Variants in APC observed in about 807,000 individuals in gnomAD.
APC encodes the protein APC regulator of Wnt signaling pathway, also known as adenomatous polyposis coli protein.
A neutral mutation model predicts 247.0 loss-of-function variants in APC; 72 were observed. The ratio of observed to expected loss-of-function variants is 0.29; its 90% CI spans 0.24 to 0.35. The LOEUF is 0.35. Among genes scored for constraint, APC ranks in the 10% least tolerant of loss-of-function variants. The pLI, the probability that APC is intolerant of heterozygous loss-of-function variation, is 1.00. For missense variants in APC, 3,400 were observed against 3,360.7 expected (o/e 1.01, Z -0.29); for synonymous variants, 1,254 against 1,162.5 (o/e 1.08, Z -1.60).
Position 112,819,375 on chromosome 5 carries a change from A to G in APC, c.1312+31A>G, listed in dbSNP as rs968789249. 49 of 1,613,704 alleles carry G rather than the reference A, an allele frequency of 3.0e-5. No individual in the cohort carries two copies. In the Admixed American group the frequency reaches 5.8e-4, roughly 19 times the overall value. On this transcript the variant is annotated intron_variant, in intron 10 of 15. Transcript: ENST00000257430. ...TTCTCTATAGTGTACATCGTAGTGC[A>G]TGTTTCAAAGCAAATGTGAAATTTT... is the stretch of plus-strand genomic sequence containing the variant.
rs138796072 is a variant in APC at position 112,843,523 on chromosome 5, A to C, written c.7929A>C (p.Leu2643=). 2 of 1,613,738 alleles carry C rather than the reference A, an allele frequency of 1.2e-6. No individual in the cohort carries two copies. The highest frequency in any genetic ancestry group is 1.3e-5 in the African/African-American group (1 of 75,012). Residue 2643 remains leucine (L), a synonymous_variant, in exon 16 of 16, where the codon CTA becomes CTC. Coordinates refer to ENST00000257430, the MANE Select transcript of APC (RefSeq NM_000038.6). This position sits in a 1 kb window ranked among gnomAD's most constrained non-coding sequence, Gnocchi z 4.8. The part of the protein sequence containing the change: ...GATNGAESKT[L]IYQMAPAVSK... ...CAAATGGTGCTGAATCAAAGACTCT[A>C]ATTTATCAAATGGCACCTGCTGTTT...
rs876658897 is a variant in APC at position 112,840,193 on chromosome 5, T to C, written c.4599T>C (p.Asn1533=). The part of the protein sequence containing the change: ...RIMPPVQEND[N]GNETESEQPK... ...TGCCTCCAGTTCAGGAAAATGACAA[T>C]GGGAATGAAACAGAATCAGAGCAGC... Residue 1533 remains asparagine, a synonymous_variant, in exon 16 of 16, where the codon AAT becomes AAC. Transcript: ENST00000257430. This position sits in a 1 kb window ranked among gnomAD's most constrained non-coding sequence, Gnocchi z 4.1. The C allele has an allele frequency of 1.2e-6, 2 of 1,613,656 alleles. No homozygotes were observed. The highest frequency in any genetic ancestry group is 1.3e-5 in the African/African-American group (1 of 74,766).
intron 1 of APC, among the ~76,000 whole-genome samples, chr5:112,750,776 A>C (rs1725259916): frequency 6.6e-6 from 1 of 152,168 alleles, no homozygotes; most frequent in Admixed American, 6.5e-5. Context: ...TCCTTTGAAG[A>C]GGGTGTACAC....
At chr5:112,743,054 C>G (rs555737938) in intron 1 of APC, among the ~76,000 whole-genome samples, 2 of 152,186 alleles carry the variant, frequency 1.3e-5, no homozygotes, top group African/African-American at 4.8e-5. Flanking sequence ...AGTGGCTCTG[C>G]GTCTCCTCTA....
At chr5:112,720,515 A>G (rs1324916656) in intron 1 of APC, among the ~76,000 whole-genome samples, 1 of 152,208 alleles carries the variant, frequency 6.6e-6, no homozygotes, top group Non-Finnish European at 1.5e-5. Context: ...CGTCCTACCC[A>G]TCTCCTATTT....
chr5:112,828,803 A>T, intron 13 of APC, 53 bp from the exon 14 acceptor site: 1 of 1,329,570 alleles, frequency 7.5e-7, no homozygotes, highest in Non-Finnish European at 1.1e-6. Context: ...AAAACAAAAA[A>T]GCAACTAGTA....
intron 7 of APC, 42 bp from the exon 8 acceptor site, chr5:112,801,237 A>C (rs763100780): frequency 7.8e-6 from 12 of 1,542,390 alleles, no homozygotes; most frequent in Non-Finnish European, 9.8e-6. Context: ...AAGAAAGCCT[A>C]CACCATTTTT....
chr5:112,707,515 C>A (rs1561393114), upstream of APC: 17 of 464,828 alleles, frequency 3.7e-5, 1 homozygote, highest in South Asian at 3.2e-4. Flanking sequence ...AGTCTTCCCA[C>A]CTCCCACAAG....
At chr5:112,776,211 G>C (rs1351947924) in intron 5 of APC, among the ~76,000 whole-genome samples, 1 of 152,180 alleles carries the variant, frequency 6.6e-6, no homozygotes, top group African/African-American at 2.4e-5. Flanking sequence ...ACTAAAGCTG[G>C]TTTGTTTTGT....
intron 2 of APC, among the ~76,000 whole-genome samples, chr5:112,760,128 T>C (rs564564143): frequency 1.9e-4 from 29 of 152,214 alleles, no homozygotes; most frequent in African/African-American, 5.8e-4. Flanking sequence ...TGGGTACAGA[T>C]TGAGATTCAT....
At chr5:112,743,260 G>A (rs1337229216) in intron 1 of APC, among the ~76,000 whole-genome samples, 1 of 151,990 alleles carries the variant, frequency 6.6e-6, no homozygotes, top group African/African-American at 2.4e-5. Flanking sequence ...ATTACATTGG[G>A]TCCACCCAGA....
chr5:112,796,620 G>GA (rs976485674), intron 7 of APC, among the ~76,000 whole-genome samples: 4 of 151,842 alleles, frequency 2.6e-5, no homozygotes, highest in African/African-American at 7.2e-5. Context: ...AAAGGGCCAG[G>GA]AAAAAAAGCA....
At chr5:112,727,335 G>T (rs1479434326) in intron 1 of APC, among the ~76,000 whole-genome samples, 1 of 151,940 alleles carries the variant, frequency 6.6e-6, no homozygotes, top group African/African-American at 2.4e-5. Context: ...GGAAGAAAAT[G>T]GTATAGCATT....
rs1271634245 is a variant in APC at position 112,844,288 on chromosome 5, G to C, written c.*162G>C. On this transcript the variant is annotated 3_prime_UTR_variant, in exon 16 of 16. Transcript: ENST00000257430. ...GAAGCCATATTTGATAGTATACTTT[G>C]TCTTCACTGGTCTTATTTTGGGAGG... 1.5e-6 allele frequency: 1 copy of C among 660,952 alleles called. No individual in the cohort carries two copies. The highest frequency in any genetic ancestry group is 1.8e-5 in the African/African-American group (1 of 54,298). The allele number at this position is 660,952 out of a possible 1,614,324, so 40.9% of individuals were successfully genotyped here.
At chr5:112,716,057 G>A (rs1330093432) in intron 1 of APC, among the ~76,000 whole-genome samples, 2 of 151,964 alleles carry the variant, frequency 1.3e-5, no homozygotes, top group Admixed American at 6.6e-5. Flanking sequence ...CCAGAGAACC[G>A]TATTTTGAAT....
chr5:112,807,446 T>C (rs1761535682), intron 8 of APC, among the ~76,000 whole-genome samples: 1 of 152,148 alleles, frequency 6.6e-6, no homozygotes, highest in Non-Finnish European at 1.5e-5. Context: ...CAACTTACTC[T>C]TGTCATTTAA....
At chr5:112,815,617 G>A (rs377763656) in intron 9 of APC, 24 bp downstream of exon 9, 1 of 1,566,924 alleles carries the variant, frequency 6.4e-7, no homozygotes, top group Admixed American at 1.7e-5. Flanking sequence ...ACAAACCCTG[G>A]TCACTAATGC....
chr5:112,838,770 A>T lies in APC; in HGVS notation c.3176A>T (p.Glu1059Val), dbSNP rs1765352701. ...WARPKHIIED[E>V]IKQSEQRQSR... is the part of the protein sequence containing the mutation. ...AGACCCAAACACATAATAGAAGATG[A>T]AATAAAACAAAGTGAGCAAAGACAA... Residue 1059 changes from glutamate (E) to valine (V), a missense_variant, in exon 16 of 16, where the codon GAA (glutamate) becomes GTA (valine). Transcript: ENST00000257430. 3.1e-6 allele frequency: 5 copies of T among 1,614,144 alleles called. No homozygotes were observed. Among genetic ancestry groups the T allele is most frequent in the Non-Finnish European group, 3.4e-6 (4 of 1,180,010 alleles).
intron 1 of APC, among the ~76,000 whole-genome samples, chr5:112,719,094 T>C (rs1435643261): frequency 6.6e-6 from 1 of 152,192 alleles, no homozygotes; most frequent in Non-Finnish European, 1.5e-5. Context: ...AATGTGAACA[T>C]TTTTGAAGTG....
Sources: allele counts gnomAD v4.1 joint callset (sites outside exome capture counted in the v4.1 genomes callset), GRCh38; gene constraint gnomAD v4.1.1; non-coding constraint Gnocchi (gnomAD v3.1); transcripts MANE v1.5; gene names NCBI Gene and HGNC (gene_info 2026-07-23, HGNC 2026-07-21).